The following CDH9 variants were observed in gnomAD, a reference collection of about 807,000 sequenced individuals.
CDH9 encodes the protein cadherin-9.
A neutral mutation model predicts 70.9 loss-of-function variants in CDH9; 28 were observed. That is an observed-to-expected ratio of 0.40 (90% CI 0.29 to 0.54). CDH9 has a LOEUF of 0.54. Ranked by LOEUF, CDH9 falls within the 20% of genes least tolerant of loss-of-function variation. The pLI is 0.59. For synonymous variants in CDH9, 409 were observed against 343.1 expected (o/e 1.19, Z -2.12); for missense variants, 874 against 984.4 (o/e 0.89, Z 1.50).
At chr5:26,990,401 C>CAT (rs1742561180) in intron 1 of CDH9, among the ~76,000 whole-genome samples, 1 of 152,046 alleles carries the variant, frequency 6.6e-6, no homozygotes, top group Non-Finnish European at 1.5e-5. Context: ...GCTCTTAATA[C>CAT]ATATATATGG....
intron 9 of CDH9, among the ~76,000 whole-genome samples, chr5:26,886,719 TCA>T (rs1740572752): frequency 6.6e-6 from 1 of 152,164 alleles, no homozygotes; most frequent in Admixed American, 6.6e-5. Flanking sequence ...TTTTGTAAAA[TCA>T]ATGTTGAAGT....
chr5:26,999,029 G>T (rs1742717866), intron 1 of CDH9, among the ~76,000 whole-genome samples: 1 of 152,070 alleles, frequency 6.6e-6, no homozygotes, highest in Non-Finnish European at 1.5e-5. Flanking sequence ...GGCAGATCAA[G>T]AGGCCAGGAG....
chr5:27,004,422 A>G (rs1164655462), intron 1 of CDH9, among the ~76,000 whole-genome samples: 1 of 152,154 alleles, frequency 6.6e-6, no homozygotes, highest in Non-Finnish European at 1.5e-5. Flanking sequence ...TGATATCTAA[A>G]TCACATAAGG....
intron 2 of CDH9, among the ~76,000 whole-genome samples, chr5:26,932,409 G>T (rs988050444): frequency 6.8e-6 from 1 of 146,082 alleles, no homozygotes; most frequent in Non-Finnish European, 1.5e-5. Context: ...AACAATAAAA[G>T]AAAAAAAAAC....
At chr5:26,925,327 G>A (rs920232070) in intron 2 of CDH9, among the ~76,000 whole-genome samples, 3 of 152,004 alleles carry the variant, frequency 2.0e-5, no homozygotes, top group African/African-American at 7.2e-5. Flanking sequence ...TCATGTGTCT[G>A]TTGGCTGCAT....
intron 1 of CDH9, among the ~76,000 whole-genome samples, chr5:26,992,801 A>C (rs977019159): frequency 1.3e-5 from 2 of 152,116 alleles, no homozygotes; most frequent in African/African-American, 4.8e-5. Flanking sequence ...CTTCTTCAAG[A>C]ATATCTAAAT....
chr5:26,972,498 G>A (rs1251482160), intron 2 of CDH9, among the ~76,000 whole-genome samples: 1 of 152,064 alleles, frequency 6.6e-6, no homozygotes, highest in African/African-American at 2.4e-5. Context: ...CATTGGCCCT[G>A]TGGAACCCCC....
At chr5:26,972,307 A>C (rs1742233600) in intron 2 of CDH9, among the ~76,000 whole-genome samples, 1 of 152,216 alleles carries the variant, frequency 6.6e-6, no homozygotes, top group South Asian at 2.1e-4. Flanking sequence ...AGTTTGGAAG[A>C]GAAATCAAAA....
intron 1 of CDH9, among the ~76,000 whole-genome samples, chr5:27,037,310 G>A (rs1397938555): frequency 6.6e-6 from 1 of 151,754 alleles, no homozygotes; most frequent in East Asian, 1.9e-4. Flanking sequence ...ATCCCTATTA[G>A]GAATCTCATC....
chr5:26,960,850 A>G (rs1009814282), intron 2 of CDH9, among the ~76,000 whole-genome samples: 5 of 152,226 alleles, frequency 3.3e-5, no homozygotes, highest in South Asian at 2.1e-4. Flanking sequence ...TTTCATATGC[A>G]TGTGTATTTT....
intron 1 of CDH9, among the ~76,000 whole-genome samples, chr5:27,022,532 A>T (rs2112126913): frequency 6.6e-6 from 1 of 152,246 alleles, no homozygotes; most frequent in African/African-American, 2.4e-5. Flanking sequence ...TACTAATTGA[A>T]TTAGTCATAC....
intron 2 of CDH9, among the ~76,000 whole-genome samples, chr5:26,953,707 T>C (rs10473823): frequency 0.15 from 23,258 of 152,040 alleles, 2,809 homozygotes; most frequent in African/African-American, 0.34. Context: ...CTTCATTCCA[T>C]CCATCAGAAA....
chr5:26,985,884 A>T lies in CDH9; in HGVS notation c.228+2222T>A, dbSNP rs1393923154. 3.3e-5 allele frequency among the ~76,000 whole-genome samples: 5 copies of T among 152,248 alleles called. No homozygotes were observed. In the South Asian group the frequency reaches 1.0e-3, roughly 32 times the overall value. On this transcript the variant is annotated intron_variant, in intron 2 of 11. Transcript: ENST00000231021. ...CATATGTTTGACTAAGTTTAGAGTTAAGGGTCCAGTTAGCCACTATATATG... is the reference window on the plus strand; with the variant it reads ...CATATGTTTGACTAAGTTTAGAGTTTAGGGTCCAGTTAGCCACTATATATG...
intron 2 of CDH9, among the ~76,000 whole-genome samples, chr5:26,925,469 A>G (rs1241059173): frequency 6.6e-6 from 1 of 152,046 alleles, no homozygotes; most frequent in African/African-American, 2.4e-5. Context: ...AGATGGGTAG[A>G]TTGCAAATAT....
intron 1 of CDH9, among the ~76,000 whole-genome samples, chr5:27,024,078 A>T (rs1295281652): frequency 1.3e-5 from 2 of 151,768 alleles, no homozygotes; most frequent in Non-Finnish European, 2.9e-5. Flanking sequence ...ATAAATAAAT[A>T]ATAAAAATAA....
intron 1 of CDH9, among the ~76,000 whole-genome samples, chr5:27,005,450 A>G (rs1054945417): frequency 1.5e-4 from 23 of 152,128 alleles, no homozygotes; most frequent in African/African-American, 5.6e-4. Flanking sequence ...AAAAATACAA[A>G]TCAAAACCAC....
At chr5:27,014,249 CT>C (rs1743008234) in intron 1 of CDH9, among the ~76,000 whole-genome samples, 1 of 151,892 alleles carries the variant, frequency 6.6e-6, no homozygotes, top group South Asian at 2.1e-4. Flanking sequence ...ATAGATCAAG[CT>C]TTTTGAAGCA....
chr5:26,946,776 CA>C (rs1332929519), intron 2 of CDH9, among the ~76,000 whole-genome samples: 2 of 152,058 alleles, frequency 1.3e-5, no homozygotes, highest in African/African-American at 4.8e-5. Context: ...TATTTACTCA[CA>C]AAGTAATAAA....
intron 2 of CDH9, among the ~76,000 whole-genome samples, chr5:26,968,716 G>T (rs1742169167): frequency 1.3e-5 from 2 of 150,306 alleles, no homozygotes; most frequent in Admixed American, 1.3e-4. Context: ...GTATGGTTGG[G>T]GGGCAAATCT....
Sources: gnomAD v4.1 joint callset for allele counts (sites outside exome capture counted in the v4.1 genomes callset) on GRCh38, gnomAD v4.1.1 for gene constraint, MANE v1.5 for transcripts, NCBI Gene and HGNC (gene_info 2026-07-23, HGNC 2026-07-21) for gene names.